Variants in ASPH observed in about 807,000 individuals in gnomAD.
ASPH encodes aspartyl/asparaginyl beta-hydroxylase.
In ASPH, 100 loss-of-function variants were observed where a neutral mutation model predicts 118.4. The observed-to-expected ratio is 0.84, with a 90% CI of 0.72 to 1.00. The LOEUF (loss-of-function observed/expected upper bound fraction) is 1.00, where lower values mean the gene tolerates loss of function less well. Ranked by LOEUF, ASPH falls within the 50% of genes least tolerant of loss-of-function variation. The pLI, the probability that ASPH is intolerant of heterozygous loss-of-function variation, is 0.00. For missense variants in ASPH, 920 were observed against 919.5 expected (o/e 1.00, Z -0.01); for synonymous variants, 315 against 325.6 (o/e 0.97, Z 0.35).
chr8:61,607,488 G>A (rs915548635), intron 14 of ASPH, among the ~76,000 whole-genome samples: 4 of 152,060 alleles, frequency 2.6e-5, no homozygotes, highest in East Asian at 1.9e-4. Flanking sequence ...TTTAGAATTC[G>A]CAACATAAAG....
At chr8:61,633,616 ATTGGTAATATTAACAGGATT>A in intron 13 of ASPH, 47 bp downstream of exon 13, 1 of 1,296,356 alleles carries the variant, frequency 7.7e-7, no homozygotes, top group Non-Finnish European at 1.1e-6. Context: ...TTATAAAGCT[ATTGGTAATATTAACAGGATT>A]TTTAAGGATA....
chr8:61,623,160 T>A (rs1270029821), intron 13 of ASPH, among the ~76,000 whole-genome samples: 1 of 152,216 alleles, frequency 6.6e-6, no homozygotes, highest in East Asian at 1.9e-4. Flanking sequence ...TGTACTAATT[T>A]ACACTCCCAC....
intron 14 of ASPH, among the ~76,000 whole-genome samples, chr8:61,614,451 A>G (rs998775380): frequency 4.6e-5 from 7 of 152,228 alleles, no homozygotes; most frequent in African/African-American, 1.7e-4. Context: ...TTTTGTGTTC[A>G]GTGAATTTGT....
intron 24 of ASPH, among the ~76,000 whole-genome samples, chr8:61,504,175 T>C (rs1586121246): frequency 1.3e-5 from 2 of 152,204 alleles, no homozygotes; most frequent in African/African-American, 4.8e-5. Context: ...GCGATCTAAA[T>C]ATAGTGTTAG....
chr8:61,509,440 C>T (rs866503259), intron 24 of ASPH, among the ~76,000 whole-genome samples: 1 of 152,280 alleles, frequency 6.6e-6, no homozygotes, highest in South Asian at 2.1e-4. Context: ...CATCTGTAAA[C>T]TGTCAAGGCG....
chr8:61,630,096 A>G (rs574242125), intron 13 of ASPH, among the ~76,000 whole-genome samples: 1 of 152,338 alleles, frequency 6.6e-6, no homozygotes, highest in East Asian at 1.9e-4. Flanking sequence ...GATGGAGGCA[A>G]TGGTGATAAT....
At chr8:61,598,903 C>T (rs1843152025) in intron 14 of ASPH, among the ~76,000 whole-genome samples, 1 of 151,922 alleles carries the variant, frequency 6.6e-6, no homozygotes, top group Admixed American at 6.6e-5. Flanking sequence ...GCCACTGAGT[C>T]AATGAAAAAA....
chr8:61,708,140 G>T (rs1255086845), intron 1 of ASPH, among the ~76,000 whole-genome samples: 1 of 152,100 alleles, frequency 6.6e-6, no homozygotes, highest in South Asian at 2.1e-4. Context: ...CAGTACATGG[G>T]CATCCACTGC....
At chr8:61,646,587 T>A (rs1808094062) in intron 6 of ASPH, among the ~76,000 whole-genome samples, 163 bp downstream of exon 6, 1 of 152,228 alleles carries the variant, frequency 6.6e-6, no homozygotes. Flanking sequence ...AATCAAGGTA[T>A]CTATTTTAAG....
chr8:61,595,687 G>T (rs191980106), intron 14 of ASPH, among the ~76,000 whole-genome samples: 1 of 152,078 alleles, frequency 6.6e-6, no homozygotes, highest in African/African-American at 2.4e-5. Flanking sequence ...CATAAAAGCA[G>T]ACAGAGAGAA....
chr8:61,690,542 T>C (rs570080394), intron 1 of ASPH, among the ~76,000 whole-genome samples: 68 of 152,188 alleles, frequency 4.5e-4, no homozygotes, highest in African/African-American at 1.6e-3. Flanking sequence ...TCTCCAAACA[T>C]TCTCTTCTGG....
intron 24 of ASPH, among the ~76,000 whole-genome samples, chr8:61,512,196 G>A (rs542543809): frequency 7.2e-4 from 110 of 152,234 alleles, no homozygotes; most frequent in Non-Finnish European, 8.4e-4. Context: ...CCCATAAGCC[G>A]CCCTGTCCCC....
At chr8:61,593,318 A>G (rs1449598282) in intron 14 of ASPH, among the ~76,000 whole-genome samples, 2 of 152,180 alleles carry the variant, frequency 1.3e-5, no homozygotes, top group African/African-American at 4.8e-5. Context: ...GTATTACCAG[A>G]AGAAGAAGTA....
At position 61,652,504 on chromosome 8, in the gene ASPH, T is replaced by C. The variant is rs547743110; in HGVS notation, c.415+1064A>G. ...CTCTCCTCTGGAGGGGATTGGAAGA[T>C]GCAGAAGCTGGAGTGTAATGGGTTA... is the stretch of plus-strand genomic sequence containing the variant. On this transcript the variant is annotated intron_variant, in intron 4 of 24. Transcript: ENST00000379454. Among the ~76,000 whole-genome samples the C allele has an allele frequency of 1.4e-4, 22 of 152,190 alleles. No homozygotes were observed. In the South Asian group the frequency reaches 3.1e-3, roughly 21 times the overall value.
chr8:61,547,796 C>A (rs1304414288), intron 21 of ASPH, among the ~76,000 whole-genome samples: 1 of 151,654 alleles, frequency 6.6e-6, no homozygotes, highest in Non-Finnish European at 1.5e-5. Context: ...AGATGTAAGC[C>A]ACATTCCTTG....
At chr8:61,607,254 T>C (rs1201321749) in intron 14 of ASPH, 2 of 702,230 alleles carry the variant, frequency 2.8e-6, no homozygotes, top group South Asian at 1.5e-5. Flanking sequence ...GGTCAACACA[T>C]GAAAGGATGG....
chr8:61,649,316 C>T (rs1157381337), intron 5 of ASPH, among the ~76,000 whole-genome samples: 1 of 152,082 alleles, frequency 6.6e-6, no homozygotes, highest in African/African-American at 2.4e-5. Context: ...GGACCATTAA[C>T]TAAAATATAA....
intron 3 of ASPH, chr8:61,664,195 T>G: frequency 1.0e-6 from 1 of 969,168 alleles, no homozygotes; most frequent in Non-Finnish European, 1.2e-6. Flanking sequence ...AACTTCACTT[T>G]TATATTAAAT....
chr8:61,664,024 TG>T (rs2151322492), intron 3 of ASPH: 1 of 910,010 alleles, frequency 1.1e-6, no homozygotes, highest in Non-Finnish European at 1.3e-6. Context: ...GTAGCATTTT[TG>T]ATTCTGTTGT....
Sources: allele counts gnomAD v4.1 joint callset (sites outside exome capture counted in the v4.1 genomes callset), GRCh38; gene constraint gnomAD v4.1.1; transcripts MANE v1.5; gene names NCBI Gene and HGNC (gene_info 2026-07-23, HGNC 2026-07-21).